Variants in TCERG1 observed in about 807,000 individuals in gnomAD.
TCERG1 encodes the protein TATA box binding protein (TBP)-associated factor, RNA polymerase II, S, 150kD.
Under a neutral mutation model 144.7 loss-of-function variants are expected in TCERG1, and 37 were observed. The ratio of observed to expected loss-of-function variants is 0.26; its 90% CI spans 0.20 to 0.34. The LOEUF (loss-of-function observed/expected upper bound fraction) is 0.34, where lower values mean the gene tolerates loss of function less well. Ranked by LOEUF, TCERG1 falls within the 10% of genes least tolerant of loss-of-function variation. The pLI is 1.00. For synonymous variants in TCERG1, 492 were observed against 458.2 expected, an observed-to-expected ratio of 1.07 and a Z score of -0.94; for missense variants, 1,027 against 1,380.7, an observed-to-expected ratio of 0.74 and a Z score of 4.06.
intron 16 of TCERG1, among the ~76,000 whole-genome samples, chr5:146,497,527 A>T (rs947477828): frequency 5.9e-5 from 9 of 151,914 alleles, no homozygotes; most frequent in Admixed American, 2.0e-4. Flanking sequence ...ACTTCAAAAA[A>T]TTTTTTCTAT....
intron 4 of TCERG1, among the ~76,000 whole-genome samples, chr5:146,461,286 A>G (rs1279789621): frequency 2.6e-5 from 4 of 152,086 alleles, no homozygotes; most frequent in Non-Finnish European, 5.9e-5. Context: ...TACGTATTCC[A>G]GTGTGTGTTT....
In TCERG1 at chr5:146,451,483, C is replaced by T. The variant is rs572827625; in HGVS notation, c.60-3573C>T. 1.3e-3 allele frequency among the ~76,000 whole-genome samples: 194 copies of T among 151,804 alleles called. 1 individual carries two copies. Among genetic ancestry groups the T allele is most frequent in the African/African-American group, 4.2e-3 (172 of 41,408 alleles). ...GATTACAGGGAAGCACCACCACACC[C>T]GGCTAATTTCTGTATTTTTAGTAGA... On this transcript the variant is annotated intron_variant, in intron 1 of 22. Transcript: ENST00000679501.
At position 146,511,880 on chromosome 5, in the gene TCERG1, G is replaced by C. The variant is rs60762274; in HGVS notation, c.*1238G>C. 3.2e-5 allele frequency: 1 copy of C among 31,324 alleles called. No homozygotes were observed. The highest frequency in any genetic ancestry group is 7.5e-5 in the African/African-American group (1 of 13,320). 1.9% of individuals were successfully genotyped at this position (31,324 alleles called of 1,614,324 possible). On this transcript the variant is annotated 3_prime_UTR_variant, in exon 23 of 23. Transcript: ENST00000679501. Reference sequence around the variant, plus strand: ...ATTGATATATCTAGCTTTACCTCCCGAGTTAAAAAAAAATCTTTTTATTTT... The same window carrying C: ...ATTGATATATCTAGCTTTACCTCCCCAGTTAAAAAAAAATCTTTTTATTTT...
chr5:146,483,912 A>G lies in TCERG1; in HGVS notation c.2163+283A>G, dbSNP rs990571207. Reference sequence around the variant, plus strand: ...TGGTTTTAAAATTGATTTCAAATGCATTTACTAATTTGCTTGTTTGGGCCA... The same window carrying G: ...TGGTTTTAAAATTGATTTCAAATGCGTTTACTAATTTGCTTGTTTGGGCCA... On this transcript the variant is annotated intron_variant, in intron 15 of 22. Coordinates refer to ENST00000679501, the MANE Select transcript of TCERG1 (RefSeq NM_001382548.1). Among the ~76,000 whole-genome samples the G allele has an allele frequency of 2.0e-5, 3 of 152,082 alleles. No individual in the cohort carries two copies. The South Asian group carries it at 6.2e-4, about 31-fold the overall frequency.
Position 146,498,558 on chromosome 5 carries a change from G to T in TCERG1, c.2305G>T (p.Ala769Ser), listed in dbSNP as rs765897344. 4 of 1,605,250 alleles carry T rather than the reference G, an allele frequency of 2.5e-6. No individual in the cohort carries two copies. In the South Asian group the frequency reaches 3.4e-5, roughly 13 times the overall value. ...NPRATFSEFA[A>S]KHAKDSRFKA... ...CAGAGCAACTTTTAGTGAATTTGCA[G>T]CCAAGCATGCTAAAGATTCAAGATT... Residue 769 changes from alanine (A) to serine (S), a missense_variant, in exon 17 of 23, where the codon GCC becomes TCC. This residue lies in a region of TCERG1 where 482 missense variants were observed against 632.6 expected (regional missense o/e 0.76). Coordinates refer to ENST00000679501, the MANE Select transcript of TCERG1 (RefSeq NM_001382548.1).
At chr5:146,460,759 T>C (rs562458565) in intron 4 of TCERG1, among the ~76,000 whole-genome samples, 1 of 152,332 alleles carries the variant, frequency 6.6e-6, no homozygotes, top group East Asian at 1.9e-4. Flanking sequence ...GGGAATGTAC[T>C]GAACAGGAAA....
chr5:146,493,139 C>G, intron 16 of TCERG1, 101 bp downstream of exon 16: 1 of 812,204 alleles, frequency 1.2e-6, no homozygotes, highest in East Asian at 3.1e-5. Context: ...TATTTGGGCA[C>G]TAAAAGCTCC....
At chr5:146,490,339 G>A (rs1018720065) in intron 15 of TCERG1, among the ~76,000 whole-genome samples, 1 of 152,174 alleles carries the variant, frequency 6.6e-6, no homozygotes, top group African/African-American at 2.4e-5. Context: ...TGTTGTACTT[G>A]TTATAAAGAT....
At chr5:146,489,477 AC>A (rs1296740277) in intron 15 of TCERG1, among the ~76,000 whole-genome samples, 1 of 152,186 alleles carries the variant, frequency 6.6e-6, no homozygotes, top group East Asian at 1.9e-4. Context: ...CAACATGATT[AC>A]TCGGAATTGT....
chr5:146,447,342 C>T lies in TCERG1; in HGVS notation c.-8C>T, dbSNP rs940263571. On this transcript the variant is annotated 5_prime_UTR_variant, in exon 1 of 23. Transcript: ENST00000679501. ...GGGTCGGCGGGTGGATGAACGCGGC[C>T]CTCTGTAATGGCGGAGCGTGGCGGG... 32 of 1,611,742 alleles carry T rather than the reference C, an allele frequency of 2.0e-5. No homozygotes were observed. Among genetic ancestry groups the T allele is most frequent in the Non-Finnish European group, 2.6e-5 (31 of 1,179,108 alleles).
At chr5:146,479,470 C>G (rs745561194) in intron 10 of TCERG1, among the ~76,000 whole-genome samples, 1 of 152,044 alleles carries the variant, frequency 6.6e-6, no homozygotes, top group Admixed American at 6.5e-5. Flanking sequence ...GATAATAATA[C>G]TTTATAACTA....
At chr5:146,493,686 T>G (rs1427592696) in intron 16 of TCERG1, among the ~76,000 whole-genome samples, 1 of 152,136 alleles carries the variant, frequency 6.6e-6, no homozygotes, top group Non-Finnish European at 1.5e-5. Flanking sequence ...TTGATTTAGG[T>G]ACTTACGTGA....
rs143301407 is a variant in TCERG1, at chr5:146,476,779, T to C, written c.1602-1714T>C. Among the ~76,000 whole-genome samples, 80 of 152,228 alleles carry C rather than the reference T, an allele frequency of 5.3e-4. 1 individual carries two copies. In the East Asian group the frequency reaches 0.015, roughly 28 times the overall value. On this transcript the variant is annotated intron_variant, in intron 9 of 22. Coordinates refer to ENST00000679501, the MANE Select transcript of TCERG1 (RefSeq NM_001382548.1). ...GTTCTTCAGATGAGATAGTTAATTA[T>C]TGATTTTTTATTTTATTTTTTTGTG...
intron 19 of TCERG1, chr5:146,505,486 A>AT (rs5871972): frequency 0.92 from 140,776 of 152,272 alleles, 65,126 homozygotes; most frequent in East Asian, 1. Context: ...TGCTTTCTTC[A>AT]TTGTTCCTTG....
At chr5:146,455,788 AG>A (rs1248275873) in intron 2 of TCERG1, among the ~76,000 whole-genome samples, 1 of 152,202 alleles carries the variant, frequency 6.6e-6, no homozygotes, top group African/African-American at 2.4e-5. Context: ...GGGGGAAAAT[AG>A]GGTTATCTTA....
At chr5:146,482,546 GAATT>G in intron 13 of TCERG1, 42 bp from the exon 14 acceptor site, 1 of 1,526,358 alleles carries the variant, frequency 6.6e-7, no homozygotes, top group Non-Finnish European at 8.9e-7. Flanking sequence ...TAAGATCTGA[GAATT>G]AATATTTTGT....
chr5:146,489,005 T>A (rs180995438), intron 15 of TCERG1, among the ~76,000 whole-genome samples: 1 of 152,260 alleles, frequency 6.6e-6, no homozygotes, highest in African/African-American at 2.4e-5. Context: ...GTTGATGTCA[T>A]AGAAGTCAAA....
In TCERG1 at chr5:146,478,376, TAAG is replaced by T. The variant is rs986035083; in HGVS notation, c.1602-114_1602-112del. 2.9e-6 allele frequency: 3 copies of T among 1,041,672 alleles called. No homozygotes were observed. In the African/African-American group the frequency reaches 4.9e-5, roughly 17 times the overall value. 64.5% of individuals were successfully genotyped at this position (1,041,672 alleles called of 1,614,324 possible). ...GTTCTCTGTAAATAACTATTGGTAA[TAAG>T]AACATGTCGTTCTTCAGTACCCTCA... On this transcript the variant is annotated intron_variant, in intron 9 of 22. Transcript: ENST00000679501.
At chr5:146,469,855 A>G (rs1045883397) in intron 7 of TCERG1, 111 bp downstream of exon 7, 1 of 770,238 alleles carries the variant, frequency 1.3e-6, no homozygotes, top group Admixed American at 3.4e-5. Flanking sequence ...TTTTCTAATT[A>G]CACAGTCATT....
Sources: allele counts gnomAD v4.1 joint callset (sites outside exome capture counted in the v4.1 genomes callset), GRCh38; gene constraint gnomAD v4.1.1; regional missense constraint gnomAD v4.1.1; transcripts MANE v1.5; gene names NCBI Gene and HGNC (gene_info 2026-07-23, HGNC 2026-07-21).